Variants in CCDC149 observed in about 807,000 individuals in gnomAD.
CCDC149 encodes the protein coiled-coil domain containing 149, also known as coiled-coil domain-containing protein 149.
CCDC149 carries 45 observed loss-of-function variants against 59.9 expected under a neutral mutation model. That is an observed-to-expected ratio of 0.75 (90% CI 0.59 to 0.96). The LOEUF is 0.96. Among genes scored for constraint, CCDC149 ranks in the 40% least tolerant of loss-of-function variants. The pLI, the probability that CCDC149 is intolerant of heterozygous loss-of-function variation, is 0.00. For missense variants in CCDC149, 584 were observed against 664.7 expected (o/e 0.88, Z 1.33); for synonymous variants, 245 against 260.6 (o/e 0.94, Z 0.58).
chr4:24,818,185 G>T (rs1331072041), intron 12 of CCDC149, among the ~76,000 whole-genome samples: 1 of 152,146 alleles, frequency 6.6e-6, no homozygotes, highest in East Asian at 1.9e-4. Flanking sequence ...CATGTAGATG[G>T]AGATGGAAGG....
intron 1 of CCDC149, among the ~76,000 whole-genome samples, chr4:24,903,441 C>T (rs1030704964): frequency 3.3e-5 from 5 of 152,118 alleles, no homozygotes; most frequent in South Asian, 2.1e-4. Flanking sequence ...AAGGACTTGG[C>T]GCTGAAATTT....
intron 3 of CCDC149, among the ~76,000 whole-genome samples, chr4:24,869,626 G>A (rs1051514478): frequency 6.6e-6 from 1 of 152,222 alleles, no homozygotes; most frequent in Non-Finnish European, 1.5e-5. Flanking sequence ...CAGCAGGCGA[G>A]AAACATTGAT....
chr4:24,897,183 T>C (rs1720894573), intron 1 of CCDC149, among the ~76,000 whole-genome samples: 1 of 151,812 alleles, frequency 6.6e-6, no homozygotes, highest in Non-Finnish European at 1.5e-5. Flanking sequence ...GACTGAACCT[T>C]GAGAGAGAAG....
chr4:24,928,095 G>A (rs1018674190), intron 1 of CCDC149, among the ~76,000 whole-genome samples: 1 of 152,138 alleles, frequency 6.6e-6, no homozygotes, highest in Non-Finnish European at 1.5e-5. Flanking sequence ...TTCTTTGAAA[G>A]GATTCTATTA....
intron 1 of CCDC149, among the ~76,000 whole-genome samples, chr4:24,907,086 T>C (rs1472934846): frequency 6.6e-6 from 1 of 152,204 alleles, no homozygotes; most frequent in South Asian, 2.1e-4. Context: ...CAACAAAAAC[T>C]TGTAATCAAA....
intron 9 of CCDC149, among the ~76,000 whole-genome samples, chr4:24,825,549 G>A (rs958818166): frequency 1.3e-5 from 2 of 151,984 alleles, no homozygotes; most frequent in African/African-American, 4.8e-5. Context: ...CGAGGCAGGC[G>A]GATCACGAGG....
chr4:24,889,587 G>C (rs919582590), intron 1 of CCDC149, among the ~76,000 whole-genome samples: 7 of 152,178 alleles, frequency 4.6e-5, no homozygotes, highest in African/African-American at 1.4e-4. Context: ...CAGGTGACAG[G>C]CAGCTTGCAT....
intron 3 of CCDC149, among the ~76,000 whole-genome samples, chr4:24,863,257 A>C (rs750461879): frequency 6.6e-6 from 1 of 152,210 alleles, no homozygotes; most frequent in Non-Finnish European, 1.5e-5. Context: ...ACACCACTGC[A>C]CTCCAGCCTG....
chr4:24,967,137 A>C (rs569189326), intron 1 of CCDC149, among the ~76,000 whole-genome samples: 1 of 152,154 alleles, frequency 6.6e-6, no homozygotes, highest in African/African-American at 2.4e-5. Context: ...CTGGAGGTGG[A>C]TATTTTGCAT....
Position 24,931,310 on chromosome 4 carries a change from A to AATATATATATATATATATATATATAT in CCDC149, c.-64-36193_-64-36192insATATATATATATATATATATATATAT, listed in dbSNP as rs71187200. Among the ~76,000 whole-genome samples the AATATATATATATATATATATATATAT allele has an allele frequency of 4.1e-3, 570 of 137,960 alleles. 11 individuals are homozygous for AATATATATATATATATATATATATAT. Among genetic ancestry groups the AATATATATATATATATATATATATAT allele is most frequent in the African/African-American group, 0.014 (502 of 34,978 alleles). The allele number at this position is 137,960 out of a possible 152,430, so 90.5% of individuals were successfully genotyped here. ...ATTTATATATGTTTATTTATTTTAA[A>AATATATATATATATATATATATATAT]ATATATATATATATATATATATCTC... On this transcript the variant is annotated intron_variant, in intron 1 of 12. Transcript: ENST00000389609.
At chr4:24,874,265 G>T (rs75129162) in intron 2 of CCDC149, among the ~76,000 whole-genome samples, 8,677 of 29,946 alleles carry the variant, frequency 0.29, 1,163 homozygotes, top group African/African-American at 0.48. Flanking sequence ...TTTTTGTTTT[G>T]TTTTTTTTTG....
intron 1 of CCDC149, among the ~76,000 whole-genome samples, chr4:24,937,766 T>G (rs1722826997): frequency 6.6e-6 from 1 of 152,186 alleles, no homozygotes; most frequent in South Asian, 2.1e-4. Context: ...GCCATGTGAC[T>G]CCTCCTAACT....
At chr4:24,838,734 T>C (rs1462200693) in intron 4 of CCDC149, among the ~76,000 whole-genome samples, 3 of 149,866 alleles carry the variant, frequency 2.0e-5, no homozygotes, top group Non-Finnish European at 4.4e-5. Flanking sequence ...CTGCTAACTT[T>C]AGGAAAAAAT....
chr4:24,816,831 T>C (rs1715041795), intron 12 of CCDC149, among the ~76,000 whole-genome samples: 1 of 152,118 alleles, frequency 6.6e-6, no homozygotes. Flanking sequence ...GTTAAAAAAA[T>C]TGCTAATCAC....
chr4:24,967,983 C>A (rs73250661), intron 1 of CCDC149, among the ~76,000 whole-genome samples: 8,953 of 152,208 alleles, frequency 0.059, 470 homozygotes, highest in East Asian at 0.25. Flanking sequence ...TACTGACAGT[C>A]ATTTGTGCCC....
intron 1 of CCDC149, among the ~76,000 whole-genome samples, chr4:24,928,233 A>T (rs1166843050): frequency 6.6e-6 from 1 of 152,222 alleles, no homozygotes; most frequent in Admixed American, 6.5e-5. Flanking sequence ...CTATTCAGGG[A>T]TTACTGTGTG....
At chr4:24,953,811 T>C (rs1036108092) in intron 1 of CCDC149, among the ~76,000 whole-genome samples, 2 of 151,896 alleles carry the variant, frequency 1.3e-5, no homozygotes, top group Non-Finnish European at 2.9e-5. Context: ...AAATGATGTC[T>C]GAACAAAAGG....
chr4:24,949,760 C>T (rs1279756322), intron 1 of CCDC149, among the ~76,000 whole-genome samples: 1 of 152,184 alleles, frequency 6.6e-6, no homozygotes, highest in African/African-American at 2.4e-5. Flanking sequence ...ACAGCAAGAA[C>T]AGTGCATTGT....
At chr4:24,944,741 C>A (rs1273090011) in intron 1 of CCDC149, among the ~76,000 whole-genome samples, 1 of 152,036 alleles carries the variant, frequency 6.6e-6, no homozygotes, top group East Asian at 1.9e-4. Flanking sequence ...GCACATGTAT[C>A]CCAGAACTTA....
Sources: allele counts gnomAD v4.1 joint callset (sites outside exome capture counted in the v4.1 genomes callset), GRCh38; gene constraint gnomAD v4.1.1; transcripts MANE v1.5; gene names NCBI Gene and HGNC (gene_info 2026-07-23, HGNC 2026-07-21).